Variants in NWD2 observed in about 807,000 individuals in gnomAD.
NWD2 encodes the protein NACHT and WD repeat domain containing 2.
A neutral mutation model predicts 132.7 loss-of-function variants in NWD2; 37 were observed. The observed-to-expected ratio is 0.28, with a 90% CI of 0.21 to 0.37. NWD2 has a LOEUF of 0.37. Among genes scored for constraint, NWD2 ranks in the 10% least tolerant of loss-of-function variants. The pLI is 1.00. For synonymous variants in NWD2, 705 were observed against 803.0 expected, an observed-to-expected ratio of 0.88 and a Z score of 2.06; for missense variants, 1,592 against 2,122.4, an observed-to-expected ratio of 0.75 and a Z score of 4.91.
At chr4:37,371,216 T>G (rs1434417905) in intron 3 of NWD2, among the ~76,000 whole-genome samples, 2 of 151,644 alleles carry the variant, frequency 1.3e-5, no homozygotes, top group Non-Finnish European at 2.9e-5. Context: ...TACCTGGGAC[T>G]ACAGGTGTGC....
chr4:37,298,412 A>G (rs895428729), intron 1 of NWD2, among the ~76,000 whole-genome samples: 7 of 152,194 alleles, frequency 4.6e-5, no homozygotes, highest in Admixed American at 1.3e-4. Flanking sequence ...AATTATTTAT[A>G]TTCAGCTAAA....
chr4:37,334,692 A>G (rs1228701121), intron 2 of NWD2, among the ~76,000 whole-genome samples: 1 of 152,156 alleles, frequency 6.6e-6, no homozygotes, highest in African/African-American at 2.4e-5. Flanking sequence ...GCTAATCTCA[A>G]TACTTAGGAC....
intron 1 of NWD2, among the ~76,000 whole-genome samples, chr4:37,275,113 T>C (rs1397669316): frequency 6.6e-6 from 1 of 152,158 alleles, no homozygotes; most frequent in South Asian, 2.1e-4. Context: ...TAAAGGGTAT[T>C]CAATTAGGAA....
intron 6 of NWD2, among the ~76,000 whole-genome samples, chr4:37,441,181 T>C (rs1712474373): frequency 6.6e-6 from 1 of 152,260 alleles, no homozygotes; most frequent in South Asian, 2.1e-4. Context: ...TATAGCTTTT[T>C]CTTTAATTAA....
rs1300267809 is a variant in NWD2, at chr4:37,245,031, T to TGGCGGC, written c.-30_-25dup. ...GGGCAGGAACCCGAGGAGCAGGAGG[T>TGGCGGC]GGCGGCGGCGGCAGTGGCTGTTCCT... is the stretch of plus-strand genomic sequence containing the variant. On this transcript the variant is annotated 5_prime_UTR_variant, in exon 1 of 7. Transcript: ENST00000309447. 6.5e-7 allele frequency: 1 copy of TGGCGGC among 1,539,780 alleles called. No individual in the cohort carries two copies. The highest frequency in any genetic ancestry group is 8.7e-7 in the Non-Finnish European group (1 of 1,145,738).
chr4:37,306,786 G>A (rs1035115719), intron 1 of NWD2, among the ~76,000 whole-genome samples: 2 of 152,140 alleles, frequency 1.3e-5, no homozygotes, highest in Non-Finnish European at 2.9e-5. Context: ...ACATTTGGAG[G>A]CCAAAGCAGG....
At chr4:37,320,206 TG>T (rs1719040466) in intron 1 of NWD2, among the ~76,000 whole-genome samples, 1 of 152,134 alleles carries the variant, frequency 6.6e-6, no homozygotes, top group Non-Finnish European at 1.5e-5. Flanking sequence ...TAGGACCTTC[TG>T]AGCATGGAAA....
intron 2 of NWD2, among the ~76,000 whole-genome samples, chr4:37,332,876 C>A (rs1285885520): frequency 2.0e-5 from 3 of 152,168 alleles, no homozygotes; most frequent in African/African-American, 7.2e-5. Context: ...AAGGGAGAGT[C>A]TCAGACCTGG....
chr4:37,439,468 C>A lies in NWD2; in HGVS notation c.1296+78C>A. On this transcript the variant is annotated intron_variant, in intron 6 of 6. Transcript: ENST00000309447. This position sits in a 1 kb window ranked among gnomAD's most constrained non-coding sequence, Gnocchi z 4.5. ...AATGGTAAATTAATCAAATTCATTT[C>A]TACTTTCTGAGTTTACTATGTGAAT... 9.9e-7 allele frequency: 1 copy of A among 1,007,996 alleles called. No homozygotes were observed. The allele number at this position is 1,007,996 out of a possible 1,614,324, so 62.4% of individuals were successfully genotyped here.
chr4:37,280,955 C>G (rs57780940), intron 1 of NWD2, among the ~76,000 whole-genome samples: 26,528 of 152,036 alleles, frequency 0.17, 2,675 homozygotes, highest in South Asian at 0.32. Flanking sequence ...TACATCACAG[C>G]AAGCTGGAGG....
chr4:37,348,675 T>TATACACACACACACACAC (rs1308407988), intron 2 of NWD2, among the ~76,000 whole-genome samples: 7 of 22,572 alleles, frequency 3.1e-4, no homozygotes, highest in African/African-American at 1.3e-3. Flanking sequence ...TATATATATA[T>TATACACACACACACACAC]ACACACACAC....
Position 37,444,995 on chromosome 4 carries a change from A to G in NWD2, c.3007A>G (p.Arg1003Gly). The G allele has an allele frequency of 6.4e-7, 1 of 1,552,008 alleles. No homozygotes were observed. Among genetic ancestry groups the G allele is most frequent in the Non-Finnish European group, 8.7e-7 (1 of 1,147,070 alleles). ...TWDVETRQLL[R>G]QITTAQSVIL... ...GGATGTAGAGACTCGACAGCTACTC[A>G]GGCAAATCACCACAGCCCAGTCTGT... The change falls in exon 7 of 7, where the codon AGG becomes GGG. Residue 1003 changes from arginine (R) to glycine (G), a missense_variant. Arg to Gly is a moderately radical substitution (Grantham distance 125). Coordinates refer to ENST00000309447, the MANE Select transcript of NWD2 (RefSeq NM_001144990.2). This position sits in a 1 kb window ranked among gnomAD's most constrained non-coding sequence, Gnocchi z 4.8.
chr4:37,435,276 C>T (rs146867390), intron 5 of NWD2, among the ~76,000 whole-genome samples: 23 of 152,210 alleles, frequency 1.5e-4, no homozygotes, highest in Admixed American at 2.0e-4. Flanking sequence ...TGAAATGGTG[C>T]GGCAAAGCAT....
chr4:37,291,935 A>G (rs1481270407), intron 1 of NWD2, among the ~76,000 whole-genome samples: 4 of 152,196 alleles, frequency 2.6e-5, no homozygotes, highest in African/African-American at 9.7e-5. Flanking sequence ...TTTTGAACAT[A>G]TAAGAAATAT....
intron 2 of NWD2, 34 bp from the exon 3 acceptor site, chr4:37,356,332 T>G (rs1577678031): frequency 8.5e-7 from 1 of 1,174,262 alleles, no homozygotes; most frequent in Middle Eastern, 2.0e-4. Flanking sequence ...AAAGCCCACA[T>G]GTAAACTAAT....
chr4:37,437,774 G>T (rs1712360044), intron 5 of NWD2, among the ~76,000 whole-genome samples: 1 of 151,992 alleles, frequency 6.6e-6, no homozygotes, highest in African/African-American at 2.4e-5. Flanking sequence ...TTCTTATGGG[G>T]ACACAAATTA....
intron 1 of NWD2, among the ~76,000 whole-genome samples, chr4:37,323,431 A>G (rs533600980): frequency 2.0e-5 from 3 of 152,328 alleles, no homozygotes; most frequent in East Asian, 3.9e-4. Context: ...GCCAAGAAAC[A>G]TGAAAAAATA....
At position 37,443,575 on chromosome 4, in the gene NWD2, G is replaced by T. The variant is rs1396859498; in HGVS notation, c.1587G>T (p.Trp529Cys). ...AGAATGATGATGCCAGGAAGCTTTG[G>T]TGGCTCCCAGCTCACCTGCCCCGCT... ...LSENDDARKL[W>C]WLPAHLPRFV... Residue 529 changes from tryptophan (W) to cysteine (C), a missense_variant, in exon 7 of 7, where the codon TGG (tryptophan) becomes TGT (cysteine). By Grantham distance (215) the Trp-to-Cys change is radical (BLOSUM62 -2). Transcript: ENST00000309447. This position sits in a 1 kb window ranked among gnomAD's most constrained non-coding sequence, Gnocchi z 4.1. 1 of 1,551,616 alleles carries T rather than the reference G, an allele frequency of 6.4e-7. No homozygotes were observed. Among genetic ancestry groups the T allele is most frequent in the East Asian group, 2.4e-5 (1 of 40,930 alleles).
At chr4:37,380,669 T>C (rs1259980302) in intron 3 of NWD2, among the ~76,000 whole-genome samples, 1 of 152,230 alleles carries the variant, frequency 6.6e-6, no homozygotes, top group Non-Finnish European at 1.5e-5. Context: ...CATTATCTCA[T>C]TTTGTTTCAC....
Sources: allele counts gnomAD v4.1 joint callset (sites outside exome capture counted in the v4.1 genomes callset), GRCh38; gene constraint gnomAD v4.1.1; non-coding constraint Gnocchi (gnomAD v3.1); transcripts MANE v1.5; gene names NCBI Gene and HGNC (gene_info 2026-07-23, HGNC 2026-07-21).